GAB4: variants seen among roughly 807,000 people sequenced by gnomAD.
GAB4 encodes GRB2-associated-binding protein 4.
A neutral mutation model predicts 51.3 loss-of-function variants in GAB4; 26 were observed. The observed-to-expected ratio is 0.51, with a 90% CI of 0.37 to 0.70. The LOEUF is 0.70. GAB4 is among the 30% of genes least tolerant of loss of function. GAB4 has a pLI of 0.00. For synonymous variants in GAB4, 329 were observed against 291.2 expected (o/e 1.13, Z -1.32); for missense variants, 759 against 734.6 (o/e 1.03, Z -0.38).
intron 3 of GAB4, among the ~76,000 whole-genome samples, chr22:16,978,012 T>A (rs1281308288): frequency 6.6e-6 from 1 of 152,028 alleles, no homozygotes; most frequent in Non-Finnish European, 1.5e-5. Context: ...TACCACAATC[T>A]CTGGGACACA....
intron 5 of GAB4, chr22:16,966,873 G>A (rs1425451705): frequency 6.2e-6 from 1 of 161,670 alleles, no homozygotes. Context: ...GTGTGGTGTA[G>A]AACTGGAAAC....
intron 4 of GAB4, 119 bp from the exon 5 acceptor site, chr22:16,968,502 C>T (rs2123650272): frequency 1.4e-6 from 1 of 727,364 alleles, no homozygotes; most frequent in Non-Finnish European, 2.5e-6. Context: ...GACTCTCAAC[C>T]CCAAATGACA....
Position 16,994,244 on chromosome 22 carries a change from T to C in GAB4, c.175-2068A>G, listed in dbSNP as rs1242908412. 3.9e-5 allele frequency among the ~76,000 whole-genome samples: 6 copies of C among 152,182 alleles called. No homozygotes were observed. In the East Asian group the frequency reaches 5.8e-4, roughly 15 times the overall value. On this transcript the variant is annotated intron_variant, in intron 1 of 9. Coordinates refer to ENST00000400588, the MANE Select transcript of GAB4 (RefSeq NM_001037814.1). ...CCTTCTGCACCACTAAAATGACTCA[T>C]GGAAGGTCCCAAAGACTTCATTGCT...
intron 1 of GAB4, among the ~76,000 whole-genome samples, chr22:16,996,527 T>C (rs2060950298): frequency 6.6e-6 from 1 of 151,562 alleles, no homozygotes; most frequent in Admixed American, 6.6e-5. Context: ...AAGGTTGAAA[T>C]GAAGGGAAAA....
chr22:16,975,507 G>T (rs902659282), intron 3 of GAB4, among the ~76,000 whole-genome samples: 2 of 152,234 alleles, frequency 1.3e-5, no homozygotes, highest in African/African-American at 4.8e-5. Flanking sequence ...GCTACAGTCC[G>T]AGTCAGGGGT....
At chr22:16,976,135 C>T (rs764689828) in intron 3 of GAB4, among the ~76,000 whole-genome samples, 16 of 152,232 alleles carry the variant, frequency 1.1e-4, no homozygotes, top group Non-Finnish European at 2.2e-4. Flanking sequence ...ATCACAACTC[C>T]TCACCAGAAA....
chr22:16,990,694 G>T (rs1466400533), intron 2 of GAB4, among the ~76,000 whole-genome samples: 1 of 152,178 alleles, frequency 6.6e-6, no homozygotes, highest in Non-Finnish European at 1.5e-5. Context: ...AGACCTGGGG[G>T]TCTATCAGCA....
chr22:16,991,767 C>G, intron 2 of GAB4, 106 bp downstream of exon 2: 4 of 957,184 alleles, frequency 4.2e-6, no homozygotes, highest in Non-Finnish European at 6.4e-6. Flanking sequence ...TCATCACGAG[C>G]CCAACACTTC....
intron 3 of GAB4, among the ~76,000 whole-genome samples, chr22:16,985,899 C>A (rs1244623090): frequency 6.6e-6 from 1 of 152,232 alleles, no homozygotes; most frequent in African/African-American, 2.4e-5. Context: ...ATCCATAACA[C>A]GACCTCCATA....
rs147030904 is a variant in GAB4, at chr22:16,982,475, TCAA to T, written c.686+5482_686+5484del. The stretch of plus-strand genomic sequence containing the variant: ...AATAATCTTGAAGAAGTAAAAGATC[TCAA>T]CAATGAAACTATAAAATATTTATTA... On this transcript the variant is annotated intron_variant, in intron 3 of 9. Transcript: ENST00000400588. Among the ~76,000 whole-genome samples the T allele has an allele frequency of 7.3e-3, 1,112 of 152,118 alleles. 30 individuals carry two copies. The highest frequency in any genetic ancestry group is 0.061 in the East Asian group (316 of 5,178).
At chr22:16,981,562 C>T (rs916487759) in intron 3 of GAB4, among the ~76,000 whole-genome samples, 1 of 152,100 alleles carries the variant, frequency 6.6e-6, no homozygotes, top group African/African-American at 2.4e-5. Context: ...TACAACCTAG[C>T]AAGGTTGAAT....
chr22:16,992,446 C>T (rs1246446954), intron 1 of GAB4, among the ~76,000 whole-genome samples: 1 of 152,136 alleles, frequency 6.6e-6, no homozygotes, highest in East Asian at 1.9e-4. Flanking sequence ...TTTATAGCAA[C>T]AATTTCATTA....
intron 1 of GAB4, among the ~76,000 whole-genome samples, chr22:16,997,391 C>T (rs2060958584): frequency 6.6e-6 from 1 of 152,152 alleles, no homozygotes; most frequent in Non-Finnish European, 1.5e-5. Flanking sequence ...TCTCTGATGG[C>T]CAGTGATGAT....
chr22:17,006,708 G>C (rs553804716), intron 1 of GAB4, among the ~76,000 whole-genome samples: 2 of 152,268 alleles, frequency 1.3e-5, no homozygotes, highest in East Asian at 3.9e-4. Flanking sequence ...TCTTTACAGG[G>C]ACATGGATGA....
Position 16,966,303 on chromosome 22 carries a change from A to G in GAB4, c.1085T>C (p.Met362Thr), listed in dbSNP as rs1394208574. Residue 362 changes from methionine (M) to threonine (T), a missense_variant, in exon 6 of 10, where the codon ATG becomes ACG. Transcript: ENST00000400588. ...SIASEGSCVP[M>T]NPGSPTLPAV... ...CGGCAGGGTAGGGGAGCCTGGGTTC[A>G]TGGGCACACAGCTGCCCTCAGAAGC... 11 of 1,613,616 alleles carry G rather than the reference A, an allele frequency of 6.8e-6. No individual in the cohort carries two copies. Among genetic ancestry groups the G allele is most frequent in the Non-Finnish European group, 9.3e-6 (11 of 1,179,934 alleles).
At chr22:16,985,043 C>T (rs2399151) in intron 3 of GAB4, among the ~76,000 whole-genome samples, 1 of 152,162 alleles carries the variant, frequency 6.6e-6, no homozygotes, top group Admixed American at 6.5e-5. Context: ...CATTTACCTC[C>T]CAGGGTCTTT....
intron 3 of GAB4, among the ~76,000 whole-genome samples, chr22:16,978,935 T>C (rs184255734): frequency 9.9e-5 from 15 of 152,284 alleles, no homozygotes; most frequent in Admixed American, 9.2e-4. Context: ...AAAAACCACA[T>C]GATTATCTCA....
At chr22:16,990,158 G>A (rs533780996) in intron 2 of GAB4, among the ~76,000 whole-genome samples, 36 of 152,270 alleles carry the variant, frequency 2.4e-4, no homozygotes, top group African/African-American at 7.9e-4. Flanking sequence ...TCCACAGTGC[G>A]CTGCATCCTT....
At chr22:17,005,864 T>TC (rs1157769786) in intron 1 of GAB4, among the ~76,000 whole-genome samples, 1 of 151,516 alleles carries the variant, frequency 6.6e-6, no homozygotes, top group African/African-American at 2.4e-5. Flanking sequence ...CTGAAGGAGG[T>TC]CGGGGTCAAG....
Sources: allele counts gnomAD v4.1 joint callset (sites outside exome capture counted in the v4.1 genomes callset), GRCh38; gene constraint gnomAD v4.1.1; transcripts MANE v1.5; gene names NCBI Gene and HGNC (gene_info 2026-07-23, HGNC 2026-07-21).